ZFAND6: variants seen among roughly 807,000 people sequenced by gnomAD.
ZFAND6 encodes AN1-type zinc finger protein 6.
A neutral mutation model predicts 24.5 loss-of-function variants in ZFAND6; 12 were observed. The observed-to-expected ratio is 0.49, with a 90% CI of 0.31 to 0.79. The LOEUF (loss-of-function observed/expected upper bound fraction) is 0.79. Among genes scored for constraint, ZFAND6 ranks in the 30% least tolerant of loss-of-function variants. The pLI is 0.04. For synonymous variants in ZFAND6, 92 were observed against 81.5 expected, an observed-to-expected ratio of 1.13 and a Z score of -0.69; for missense variants, 207 against 245.9, an observed-to-expected ratio of 0.84 and a Z score of 1.06.
rs2040586246 is a variant in ZFAND6 at position 80,131,226 on chromosome 15, G to A, written c.411G>A (p.Lys137=). The A allele has an allele frequency of 6.2e-7, 1 of 1,612,646 alleles. No homozygotes were observed. The highest frequency in any genetic ancestry group is 1.3e-5 in the African/African-American group (1 of 75,000). ...AGCAGCCATCTGAAGAGCAAAGCAA[G>A]TCTCTTGAAAAACCGAAACAAAAAA... ...TAQQPSEEQS[K]SLEKPKQKKN... The change falls in exon 6 of 7, where the codon AAG becomes AAA. Residue 137 remains lysine (K), a synonymous_variant. Coordinates refer to ENST00000261749, the MANE Select transcript of ZFAND6 (RefSeq NM_019006.4).
At chr15:80,112,931 C>T (rs980959080) in intron 2 of ZFAND6, 2 of 448,370 alleles carry the variant, frequency 4.5e-6, no homozygotes, top group Non-Finnish European at 8.9e-6. Context: ...TTCTGGGATC[C>T]ATTTGATACA....
chr15:80,110,241 C>T (rs1271748294), intron 2 of ZFAND6, among the ~76,000 whole-genome samples: 1 of 152,042 alleles, frequency 6.6e-6, no homozygotes, highest in Non-Finnish European at 1.5e-5. Context: ...GGCCTGACTA[C>T]CAGGAGGCTC....
chr15:80,101,791 GTTT>G (rs750632508), intron 2 of ZFAND6, among the ~76,000 whole-genome samples: 5 of 123,086 alleles, frequency 4.1e-5, no homozygotes, highest in African/African-American at 1.2e-4. Context: ...TATGTAAAGT[GTTT>G]TTTTTTTTTT....
chr15:80,122,824 T>C, intron 5 of ZFAND6, 24 bp downstream of exon 5: 2 of 1,586,206 alleles, frequency 1.3e-6, no homozygotes, highest in Non-Finnish European at 8.6e-7. Flanking sequence ...CTAGCATGTA[T>C]TTTGTTATTT....
intron 1 of ZFAND6, among the ~76,000 whole-genome samples, chr15:80,095,533 C>T (rs1470829759): frequency 6.6e-6 from 1 of 152,138 alleles, no homozygotes; most frequent in Admixed American, 6.5e-5. Context: ...TTTTAACATT[C>T]TTTGGTAACT....
intron 1 of ZFAND6, among the ~76,000 whole-genome samples, chr15:80,097,722 G>A (rs1322990577): frequency 1.3e-5 from 2 of 152,146 alleles, no homozygotes; most frequent in Admixed American, 6.5e-5. Context: ...GACTGCCTAT[G>A]TAATACATAT....
intron 1 of ZFAND6, among the ~76,000 whole-genome samples, chr15:80,088,136 T>C (rs2038117063): frequency 6.6e-6 from 1 of 152,194 alleles, no homozygotes; most frequent in Non-Finnish European, 1.5e-5. Context: ...CTTTATAGCT[T>C]TTTGTTTTGG....
intron 1 of ZFAND6, among the ~76,000 whole-genome samples, chr15:80,085,684 A>AT (rs566400767): frequency 5.3e-5 from 8 of 152,078 alleles, no homozygotes; most frequent in Non-Finnish European, 1.0e-4. Flanking sequence ...CCTAGGTTTA[A>AT]TTTTTTTAAT....
intron 2 of ZFAND6, chr15:80,112,987 A>G (rs2039686482): frequency 2.6e-6 from 1 of 389,884 alleles, no homozygotes; most frequent in Non-Finnish European, 5.1e-6. Flanking sequence ...TTTTCCAGTG[A>G]TTTGAAAAAA....
intron 2 of ZFAND6, among the ~76,000 whole-genome samples, chr15:80,104,557 A>G (rs1426054882): frequency 6.6e-6 from 1 of 152,156 alleles, no homozygotes; most frequent in Non-Finnish European, 1.5e-5. Context: ...CCATCCATCC[A>G]TCCATCCCAG....
At chr15:80,105,910 T>C (rs746363948) in intron 2 of ZFAND6, among the ~76,000 whole-genome samples, 6 of 152,140 alleles carry the variant, frequency 3.9e-5, no homozygotes, top group Non-Finnish European at 5.9e-5. Flanking sequence ...GAAGTGAGAG[T>C]GGTGTATTCT....
At chr15:80,099,336 T>C (rs902809862) in intron 2 of ZFAND6, among the ~76,000 whole-genome samples, 53 of 152,170 alleles carry the variant, frequency 3.5e-4, no homozygotes, top group African/African-American at 1.3e-3. Context: ...TCTCTCTCTT[T>C]AGAAGAATGC....
chr15:80,082,852 A>G (rs1395488134), intron 1 of ZFAND6, among the ~76,000 whole-genome samples: 2 of 152,064 alleles, frequency 1.3e-5, no homozygotes, highest in Non-Finnish European at 2.9e-5. Context: ...CCATCTTAGA[A>G]ATTTATTATT....
chr15:80,068,777 GACT>G (rs2036807794), intron 1 of ZFAND6, among the ~76,000 whole-genome samples: 1 of 152,164 alleles, frequency 6.6e-6, no homozygotes, highest in Non-Finnish European at 1.5e-5. Flanking sequence ...ATTTCAATGT[GACT>G]ACTAGGAAAT....
In ZFAND6 at chr15:80,137,684, G is replaced by T; in HGVS notation, c.*56G>T. ...TCTGCAAACTAAAAATTGACTTGAG[G>T]TTTTTTTTTTCCTAGTCATTGGGAA... On this transcript the variant is annotated 3_prime_UTR_variant, in exon 7 of 7. Coordinates refer to ENST00000261749, the MANE Select transcript of ZFAND6 (RefSeq NM_019006.4). 1.4e-6 allele frequency: 2 copies of T among 1,391,480 alleles called. No individual in the cohort carries two copies. Among genetic ancestry groups the T allele is most frequent in the Non-Finnish European group, 1.9e-6 (2 of 1,053,102 alleles). 86.2% of individuals were successfully genotyped at this position (1,391,480 alleles called of 1,614,324 possible).
intron 1 of ZFAND6, among the ~76,000 whole-genome samples, chr15:80,087,092 TTGTC>T (rs1258283211): frequency 6.6e-6 from 1 of 152,180 alleles, no homozygotes; most frequent in African/African-American, 2.4e-5. Flanking sequence ...CTTTTATGCT[TTGTC>T]TGTTGTGAAT....
intron 1 of ZFAND6, among the ~76,000 whole-genome samples, chr15:80,079,649 C>CTTTTT (rs574842440): frequency 8.3e-6 from 1 of 120,486 alleles, no homozygotes; most frequent in Admixed American, 8.8e-5. Context: ...TTTTCCTTAG[C>CTTTTT]TTTTTTTTTT....
chr15:80,107,457 T>C (rs1302485480), intron 2 of ZFAND6, among the ~76,000 whole-genome samples: 6 of 152,226 alleles, frequency 3.9e-5, no homozygotes, highest in Non-Finnish European at 7.3e-5. Flanking sequence ...CTAGCTGTTT[T>C]ACCCTTCATT....
intron 6 of ZFAND6, among the ~76,000 whole-genome samples, chr15:80,136,789 T>A (rs997085905): frequency 2.0e-5 from 3 of 152,258 alleles, no homozygotes; most frequent in African/African-American, 7.2e-5. Flanking sequence ...CATCTCGATT[T>A]TGGTTTTAAC....
Sources: allele counts gnomAD v4.1 joint callset (sites outside exome capture counted in the v4.1 genomes callset), GRCh38; gene constraint gnomAD v4.1.1; transcripts MANE v1.5; gene names NCBI Gene and HGNC (gene_info 2026-07-23, HGNC 2026-07-21).